PUDP: variants seen among roughly 807,000 people sequenced by gnomAD.
PUDP encodes the protein pseudouridine 5'-phosphatase, also known as pseudouridine-5'-phosphatase.
A neutral mutation model predicts 9.4 loss-of-function variants in PUDP; 8 were observed. The observed-to-expected ratio is 0.85, with a 90% confidence interval of 0.50 to 1.53. PUDP has a LOEUF of 1.53. Among genes scored for constraint, PUDP ranks in the 40% most tolerant of loss-of-function variants. PUDP has a pLI of 0.00. For missense variants in PUDP, 188 were observed against 189.7 expected (o/e 0.99, Z 0.05); for synonymous variants, 99 against 80.7 (o/e 1.23, Z -1.22).
At chrX:6,816,574 A>G (rs920372566) in intron 3 of PUDP, among the ~76,000 whole-genome samples, 1 of 101,897 alleles carries the variant, frequency 9.8e-6, no homozygotes, top group Non-Finnish European at 2.0e-5. Flanking sequence ...ATACATATAT[A>G]GTATAATATA....
At chrX:7,074,142 C>T (rs921665818) in intron 3 of PUDP, among the ~76,000 whole-genome samples, 9 of 112,578 alleles carry the variant, frequency 8.0e-5, no homozygotes, top group African/African-American at 2.9e-4. Context: ...CCTGGCTGGT[C>T]TCAAGCTACT....
intron 3 of PUDP, among the ~76,000 whole-genome samples, chrX:7,070,666 C>G (rs549259853): frequency 2.7e-5 from 3 of 111,141 alleles, no homozygotes; most frequent in African/African-American, 9.8e-5. Context: ...GCACCTCTGC[C>G]TCCCGGGTTC....
At chrX:6,803,502 T>C (rs1275793704) in intron 3 of PUDP, among the ~76,000 whole-genome samples, 1 of 112,327 alleles carries the variant, frequency 8.9e-6, no homozygotes, top group African/African-American at 3.2e-5. Context: ...TTCTAAAACA[T>C]GCCCTTTGCA....
At position 6,916,191 on chromosome X, in the gene PUDP, T is replaced by TACACACACAC. The variant is rs747162229; in HGVS notation, c.*247+60932_*247+60941dup. ...GTCACCCACCAACTCATGCTTTTTC[T>TACACACACAC]ACACACACACACACACACACACACA... On this transcript the variant is annotated intron_variant and NMD_transcript_variant, in intron 3 of 3. Coordinates refer to the PUDP transcript ENST00000655425. 1.2e-3 allele frequency among the ~76,000 whole-genome samples: 87 copies of TACACACACAC among 69,830 alleles called. 1 individual carries two copies. The highest frequency in any genetic ancestry group is 9.2e-3 in the East Asian group (19 of 2,068). The allele number at this position is 69,830 out of a possible 115,157, so 60.6% of individuals were successfully genotyped here.
At chrX:6,760,378 C>A (rs950925031) in intron 3 of PUDP, among the ~76,000 whole-genome samples, 11 of 111,993 alleles carry the variant, frequency 9.8e-5, no homozygotes. Flanking sequence ...AGCCCTTTGG[C>A]AAGGCAGGAT....
chrX:6,796,230 C>T (rs1173791876), intron 3 of PUDP, among the ~76,000 whole-genome samples: 1 of 112,127 alleles, frequency 8.9e-6, no homozygotes, highest in South Asian at 3.8e-4. Context: ...TTGACTATGC[C>T]TATCAAATGT....
intron 3 of PUDP, among the ~76,000 whole-genome samples, chrX:6,832,260 A>T (rs1189476941): frequency 1.8e-5 from 2 of 111,986 alleles, no homozygotes; most frequent in Non-Finnish European, 3.8e-5. Context: ...ATATTGGCCC[A>T]AATTAAAGAG....
At chrX:6,822,246 C>T (rs950682766) in intron 3 of PUDP, among the ~76,000 whole-genome samples, 1 of 111,698 alleles carries the variant, frequency 9.0e-6, no homozygotes, top group Non-Finnish European at 1.9e-5. Flanking sequence ...CAAGAGGGGC[C>T]GTCCTCATAC....
At chrX:6,979,695 G>A (rs182633549) in intron 1 of PUDP, among the ~76,000 whole-genome samples, 1 of 111,321 alleles carries the variant, frequency 9.0e-6, no homozygotes, top group East Asian at 2.8e-4. Flanking sequence ...GCTGATAGGC[G>A]AGGACTAAGC....
chrX:6,750,867 T>C (rs917699578), intron 3 of PUDP, among the ~76,000 whole-genome samples: 6 of 111,404 alleles, frequency 5.4e-5, no homozygotes, highest in South Asian at 3.8e-4. Context: ...CGGCCGGGCT[T>C]GGTGGCTCAC....
chrX:6,809,545 C>T (rs1451333928), intron 3 of PUDP, among the ~76,000 whole-genome samples: 2 of 110,145 alleles, frequency 1.8e-5, no homozygotes, highest in Non-Finnish European at 3.8e-5. Flanking sequence ...AATCCTCCTC[C>T]CTCAGCCTCC....
intron 1 of PUDP, among the ~76,000 whole-genome samples, chrX:7,024,754 C>CTTT (rs55692944): frequency 7.3e-5 from 4 of 54,439 alleles, no homozygotes; most frequent in Non-Finnish European, 1.3e-4. Flanking sequence ...GCCCGGCTAA[C>CTTT]TTTTTTTTTT....
intron 3 of PUDP, among the ~76,000 whole-genome samples, chrX:6,726,939 G>A (rs183086243): frequency 8.0e-5 from 9 of 111,933 alleles, no homozygotes; most frequent in Non-Finnish European, 1.9e-5. Context: ...GCTAAATAAA[G>A]GGTCTCTTTA....
chrX:6,866,067 C>T (rs908583102), intron 3 of PUDP, among the ~76,000 whole-genome samples: 5 of 110,599 alleles, frequency 4.5e-5, no homozygotes, highest in African/African-American at 1.3e-4. Context: ...ATTACAGGCA[C>T]GTGCCACCAT....
intron 3 of PUDP, among the ~76,000 whole-genome samples, chrX:6,791,263 G>A (rs1925742752): frequency 9.8e-6 from 1 of 102,468 alleles, no homozygotes; most frequent in Non-Finnish European, 2.0e-5. Context: ...GCTGGGATGG[G>A]AAGCGTGCTT....
chrX:6,945,677 G>A (rs1453779486), intron 3 of PUDP, among the ~76,000 whole-genome samples: 1 of 110,493 alleles, frequency 9.1e-6, no homozygotes, highest in Non-Finnish European at 1.9e-5. Flanking sequence ...CCAGTATGGG[G>A]ACTTCTACAC....
At chrX:6,744,772 A>G (rs960620045) in intron 3 of PUDP, among the ~76,000 whole-genome samples, 2 of 111,606 alleles carry the variant, frequency 1.8e-5, no homozygotes, top group Admixed American at 1.9e-4. Context: ...TGCATGATAC[A>G]ATAGTATCTC....
intron 3 of PUDP, among the ~76,000 whole-genome samples, chrX:6,845,685 A>G (rs1278833869): frequency 9.0e-6 from 1 of 111,682 alleles, no homozygotes; most frequent in Non-Finnish European, 1.9e-5. Context: ...TTTTCTTTAC[A>G]CTCACTGATA....
At chrX:7,030,381 C>T (rs996863284) in intron 1 of PUDP, among the ~76,000 whole-genome samples, 17 of 111,457 alleles carry the variant, frequency 1.5e-4, no homozygotes, top group African/African-American at 5.5e-4. Flanking sequence ...AAAAGGCTTC[C>T]GCGATGGAAT....
Sources: allele counts gnomAD v4.1 joint callset (sites outside exome capture counted in the v4.1 genomes callset), GRCh38; gene constraint gnomAD v4.1.1; transcripts MANE v1.5; gene names NCBI Gene and HGNC (gene_info 2026-07-23, HGNC 2026-07-21).